The following CCDC192 variants were observed in gnomAD, a reference collection of about 807,000 sequenced individuals.
CCDC192 encodes the protein coiled-coil domain-containing protein 192.
intron 2 of CCDC192, among the ~76,000 whole-genome samples, chr5:127,716,390 T>C (rs1157520403): frequency 1.3e-5 from 2 of 152,204 alleles, no homozygotes; most frequent in African/African-American, 2.4e-5. Flanking sequence ...ATCAGGGTAA[T>C]GCTCACTTCA....
At chr5:127,884,132 A>G (rs952825563) in intron 6 of CCDC192, among the ~76,000 whole-genome samples, 4 of 152,094 alleles carry the variant, frequency 2.6e-5, no homozygotes, top group Admixed American at 1.3e-4. Context: ...TCACAAGGTC[A>G]GGAGATCCAG....
Position 127,865,484 on chromosome 5 carries a change from TG to T in CCDC192, c.412-10052del, listed in dbSNP as rs1388907421. Among the ~76,000 whole-genome samples the T allele has an allele frequency of 1.3e-5, 2 of 151,842 alleles. 1 individual carries two copies. The highest frequency in any genetic ancestry group is 2.9e-5 in the Non-Finnish European group (2 of 67,976). ...AGGTTTGGGGTGTAGGTTGCCCTAG[TG>T]GTCAAGGACAGGTGCTTCAGGAAAG... On this transcript the variant is annotated intron_variant, in intron 5 of 6. Transcript: ENST00000514853.
rs560583345 is a variant in CCDC192 at position 127,933,195 on chromosome 5, T to A, written c.536-7987T>A. ...CGAAGTAAAGAGGTCCCAGATCACATAGGGCCTTGAAGATCAGTGTGAGAC... is the reference window on the plus strand; with the variant it reads ...CGAAGTAAAGAGGTCCCAGATCACAAAGGGCCTTGAAGATCAGTGTGAGAC... On this transcript the variant is annotated intron_variant, in intron 6 of 6. Transcript: ENST00000514853. Among the ~76,000 whole-genome samples the A allele has an allele frequency of 2.0e-5, 3 of 152,276 alleles. No individual in the cohort carries two copies. In the South Asian group the frequency reaches 6.2e-4, roughly 32 times the overall value.
chr5:127,912,673 G>T (rs563055547), intron 6 of CCDC192, among the ~76,000 whole-genome samples: 2 of 152,270 alleles, frequency 1.3e-5, no homozygotes, highest in South Asian at 2.1e-4. Flanking sequence ...TCCAAAAGAT[G>T]CAGGATTACC....
chr5:127,897,061 CTT>C (rs34866205), intron 6 of CCDC192, among the ~76,000 whole-genome samples: 2 of 148,146 alleles, frequency 1.4e-5, no homozygotes, highest in East Asian at 2.0e-4. Context: ...GTCTCTCTCT[CTT>C]TTTTTTTTTA....
chr5:127,802,996 C>G (rs1052926800), intron 5 of CCDC192, among the ~76,000 whole-genome samples: 8 of 151,730 alleles, frequency 5.3e-5, no homozygotes, highest in Non-Finnish European at 8.8e-5. Context: ...AGAGTGGAAA[C>G]AGAAGGAAAA....
intron 6 of CCDC192, among the ~76,000 whole-genome samples, chr5:127,927,504 C>T (rs1297534463): frequency 6.6e-6 from 1 of 151,876 alleles, no homozygotes; most frequent in East Asian, 1.9e-4. Flanking sequence ...CATCCAAGAG[C>T]TTTGACTGCG....
intron 6 of CCDC192, among the ~76,000 whole-genome samples, chr5:127,895,224 C>T (rs1752847216): frequency 6.6e-6 from 1 of 152,120 alleles, no homozygotes; most frequent in Non-Finnish European, 1.5e-5. Context: ...AGTGGCCACC[C>T]CTTAAATGCA....
At position 127,881,150 on chromosome 5, in the gene CCDC192, C is replaced by T. The variant is rs147782429; in HGVS notation, c.535+5489C>T. Among the ~76,000 whole-genome samples the T allele has an allele frequency of 2.3e-3, 356 of 152,218 alleles. 2 individuals are homozygous for T. Among genetic ancestry groups the T allele is most frequent in the Non-Finnish European group, 3.9e-3 (263 of 68,010 alleles). On this transcript the variant is annotated intron_variant, in intron 6 of 6. Coordinates refer to ENST00000514853, the MANE Select transcript of CCDC192 (RefSeq NM_001317938.2). ...ATTTCAGACCCCATAATAAATATTT[C>T]AGACCCCATGATAAATAGAGAGTGA...
intron 5 of CCDC192, among the ~76,000 whole-genome samples, chr5:127,813,920 A>G (rs189956137): frequency 6.6e-6 from 1 of 152,352 alleles, no homozygotes; most frequent in East Asian, 1.9e-4. Context: ...ACAAAATCCA[A>G]GAAGAGGCAA....
intron 2 of CCDC192, among the ~76,000 whole-genome samples, chr5:127,729,012 T>C (rs1421525490): frequency 1.3e-5 from 2 of 152,174 alleles, no homozygotes; most frequent in East Asian, 3.9e-4. Context: ...GTTCAAGCAA[T>C]TCTCCTGACT....
chr5:127,772,388 TG>T (rs993089949), intron 3 of CCDC192, among the ~76,000 whole-genome samples: 1 of 147,196 alleles, frequency 6.8e-6, no homozygotes, highest in Non-Finnish European at 1.5e-5. Flanking sequence ...GAACCTGTGT[TG>T]GGGGGGTGCG....
rs145707587 is a variant in CCDC192, at chr5:127,895,242, C to A, written c.535+19581C>A. Among the ~76,000 whole-genome samples, 69 of 152,266 alleles carry A rather than the reference C, an allele frequency of 4.5e-4. 1 individual carries two copies. The East Asian group carries it at 0.013, about 29-fold the overall frequency. On this transcript the variant is annotated intron_variant, in intron 6 of 6. Coordinates refer to ENST00000514853, the MANE Select transcript of CCDC192 (RefSeq NM_001317938.2). ...GGCCACCCCTTAAATGCAATGAGTT[C>A]TCTCCAGTTGCCCCATCTCCTATTA...
intron 6 of CCDC192, among the ~76,000 whole-genome samples, chr5:127,904,984 C>G (rs1391138302): frequency 1.3e-5 from 2 of 152,010 alleles, no homozygotes; most frequent in African/African-American, 4.8e-5. Context: ...TGTTCTTTCC[C>G]CACCTGGGCA....
chr5:127,936,731 T>G (rs1230324598), intron 6 of CCDC192, among the ~76,000 whole-genome samples: 1 of 152,232 alleles, frequency 6.6e-6, no homozygotes, highest in Non-Finnish European at 1.5e-5. Context: ...ATCTCTGGGT[T>G]TCCTGGATCC....
chr5:127,858,533 C>T (rs1751206136), intron 5 of CCDC192, among the ~76,000 whole-genome samples: 4 of 152,216 alleles, frequency 2.6e-5, no homozygotes, highest in Admixed American at 2.0e-4. Context: ...TGGCAACTGA[C>T]TGCATCTGTG....
chr5:127,892,485 A>C (rs115637114), intron 6 of CCDC192, among the ~76,000 whole-genome samples: 2,359 of 152,322 alleles, frequency 0.015, 51 homozygotes, highest in African/African-American at 0.053. Context: ...TGTGGATTCA[A>C]AATGCCTTTA....
chr5:127,784,990 A>T (rs1036675667), intron 3 of CCDC192: 14 of 477,284 alleles, frequency 2.9e-5, no homozygotes, highest in Non-Finnish European at 4.6e-5. Context: ...TTCATCTTCC[A>T]AGACCAATAA....
At chr5:127,898,072 TA>T (rs761428991) in intron 6 of CCDC192, among the ~76,000 whole-genome samples, 38 of 152,080 alleles carry the variant, frequency 2.5e-4, no homozygotes, top group Non-Finnish European at 4.1e-4. Flanking sequence ...AGAGACCTAG[TA>T]TATTTAATGG....
Sources: gnomAD v4.1 joint callset for allele counts (sites outside exome capture counted in the v4.1 genomes callset) on GRCh38, gnomAD v4.1.1 for gene constraint, MANE v1.5 for transcripts, NCBI Gene and HGNC (gene_info 2026-07-23, HGNC 2026-07-21) for gene names.